Variants in PUDP observed in about 807,000 individuals in gnomAD.
The protein encoded by PUDP is pseudouridine 5'-phosphatase, also known as pseudouridine-5'-phosphatase.
PUDP carries 8 observed loss-of-function variants against 9.4 expected under a neutral mutation model. The ratio of observed to expected loss-of-function variants is 0.85; its 90% confidence interval spans 0.50 to 1.53. PUDP has a LOEUF of 1.53. Ranked by LOEUF, PUDP falls within the 40% of genes most tolerant of loss-of-function variation. The pLI is 0.00. For missense variants in PUDP, 188 were observed against 189.7 expected, an observed-to-expected ratio of 0.99 and a Z score of 0.05; for synonymous variants, 99 against 80.7, an observed-to-expected ratio of 1.23 and a Z score of -1.22.
At chrX:6,742,275 C>A (rs761889781) in intron 3 of PUDP, among the ~76,000 whole-genome samples, 17 of 112,435 alleles carry the variant, frequency 1.5e-4, no homozygotes, top group Admixed American at 1.2e-3. Flanking sequence ...TTGATTTAGG[C>A]CAAGGTCCCC....
At chrX:7,142,797 A>G (rs1932809099) in intron 1 of PUDP, among the ~76,000 whole-genome samples, 1 of 108,879 alleles carries the variant, frequency 9.2e-6, no homozygotes, top group Non-Finnish European at 1.9e-5. Context: ...TGTGTGCACC[A>G]TCATGCCTGG....
chrX:7,068,738 T>G (rs980604269), intron 3 of PUDP, among the ~76,000 whole-genome samples: 12 of 110,906 alleles, frequency 1.1e-4, no homozygotes, highest in Non-Finnish European at 1.9e-4. Flanking sequence ...TGTGGGAAAA[T>G]GGAGTGTTGG....
intron 3 of PUDP, among the ~76,000 whole-genome samples, chrX:6,767,189 T>C (rs1467507687): frequency 8.8e-6 from 1 of 113,335 alleles, no homozygotes; most frequent in Non-Finnish European, 1.9e-5. Flanking sequence ...AGTGGAATTA[T>C]TTAGCGTAGC....
intron 3 of PUDP, among the ~76,000 whole-genome samples, chrX:7,052,605 A>G (rs1374364827): frequency 9.0e-6 from 1 of 111,202 alleles, no homozygotes; most frequent in East Asian, 2.8e-4. Context: ...CTTTCCTTCA[A>G]TCTGGGGCTA....
chrX:6,923,080 C>T (rs756923315), intron 3 of PUDP, among the ~76,000 whole-genome samples: 214 of 111,930 alleles, frequency 1.9e-3, no homozygotes, highest in Middle Eastern at 4.6e-3. Context: ...ATTTCTCACT[C>T]CTCACCTAAC....
chrX:7,022,705 T>C (rs972067797), intron 1 of PUDP, among the ~76,000 whole-genome samples: 12 of 112,003 alleles, frequency 1.1e-4, no homozygotes, highest in African/African-American at 3.9e-4. Flanking sequence ...AATGAGGGTA[T>C]TTAGAGCATG....
chrX:6,792,105 C>A (rs923616862), intron 3 of PUDP, among the ~76,000 whole-genome samples: 3 of 110,749 alleles, frequency 2.7e-5, no homozygotes, highest in Admixed American at 9.7e-5. Flanking sequence ...GTGAAGTCAG[C>A]AAATTCAGAG....
upstream of PUDP, among the ~76,000 whole-genome samples, chrX:6,725,893 A>G (rs755864944): frequency 2.7e-5 from 3 of 111,879 alleles, no homozygotes; most frequent in Non-Finnish European, 5.6e-5. Context: ...CGACCATTCG[A>G]TCCAACAATC....
chrX:7,037,897 C>A (rs1370883283), intron 1 of PUDP, among the ~76,000 whole-genome samples: 2 of 111,102 alleles, frequency 1.8e-5, no homozygotes, highest in Non-Finnish European at 3.8e-5. Flanking sequence ...GAAAATTTTA[C>A]CAGTATAATG....
chrX:7,009,413 A>T (rs1164066591), intron 1 of PUDP, among the ~76,000 whole-genome samples: 1 of 112,290 alleles, frequency 8.9e-6, no homozygotes, highest in Non-Finnish European at 1.9e-5. Flanking sequence ...TGAAGAAAAC[A>T]TGCATCATCT....
chrX:7,027,736 CT>C, intron 1 of PUDP, among the ~76,000 whole-genome samples: 1 of 91,665 alleles, frequency 1.1e-5, no homozygotes, highest in Non-Finnish European at 2.1e-5. Flanking sequence ...ACATTATAGT[CT>C]ATATATAGAC....
At chrX:7,076,097 A>G (rs1380298213) in intron 3 of PUDP, among the ~76,000 whole-genome samples, 3 of 111,796 alleles carry the variant, frequency 2.7e-5, no homozygotes, top group East Asian at 2.8e-4. Context: ...GGCTGCCTCT[A>G]TAGGCTCAAG....
chrX:6,892,203 A>T (rs923759098), intron 3 of PUDP, among the ~76,000 whole-genome samples: 2 of 112,142 alleles, frequency 1.8e-5, no homozygotes, highest in African/African-American at 6.5e-5. Context: ...TTCATATAAA[A>T]ACTCAAATTA....
chrX:6,766,562 CTAAGGAAG>C (rs1036873297), intron 3 of PUDP, among the ~76,000 whole-genome samples: 1 of 111,636 alleles, frequency 9.0e-6, no homozygotes, highest in Non-Finnish European at 1.9e-5. Context: ...AGAGAAATTA[CTAAGGAAG>C]GTTACGCAAA....
intron 1 of PUDP, among the ~76,000 whole-genome samples, chrX:7,013,757 C>T (rs1315092093): frequency 9.0e-6 from 1 of 111,571 alleles, no homozygotes; most frequent in East Asian, 2.8e-4. Flanking sequence ...GGGCTCCAGC[C>T]CCGCAGTAGT....
intron 3 of PUDP, among the ~76,000 whole-genome samples, chrX:6,833,698 C>G (rs147447374): frequency 0.026 from 2,942 of 112,162 alleles, 44 homozygotes; most frequent in Middle Eastern, 0.08. Flanking sequence ...TGAACTCACT[C>G]ATCAAAAAGA....
intron 1 of PUDP, among the ~76,000 whole-genome samples, chrX:6,706,883 C>A (rs149059183): frequency 3.4e-4 from 38 of 111,320 alleles, no homozygotes; most frequent in African/African-American, 1.2e-3. Context: ...CCATTTACAG[C>A]CCCTAAAAAG....
Position 7,077,420 on chromosome X carries a change from T to C in PUDP, c.310A>G (p.Lys104Glu). The change falls in exon 3 of 4, where the codon AAA becomes GAA. Residue 104 changes from lysine (K) to glutamate (E), a missense_variant. By Grantham distance (56) the Lys-to-Glu change is moderately conservative (BLOSUM62 1). Coordinates refer to ENST00000381077, the MANE Select transcript of PUDP (RefSeq NM_012080.5). Reference protein sequence around the residue: ...GAEKLIIHLRKHGIPFALATS... With the variant: ...GAEKLIIHLREHGIPFALATS... ...GCCAGTGCAAAGGGGATGCCATGTT[T>C]CCGCAGGTGGATGATGAGTTTCTCC... 1.7e-6 allele frequency: 2 copies of C among 1,210,888 alleles called. No individual in the cohort carries two copies. Among genetic ancestry groups the C allele is most frequent in the Non-Finnish European group, 2.2e-6 (2 of 894,949 alleles).
chrX:7,065,321 T>G (rs1930519606), intron 3 of PUDP, among the ~76,000 whole-genome samples: 1 of 112,357 alleles, frequency 8.9e-6, no homozygotes, highest in Admixed American at 9.4e-5. Flanking sequence ...CCAGTTTTTC[T>G]CACTGTTCTT....
Sources: allele counts gnomAD v4.1 joint callset (sites outside exome capture counted in the v4.1 genomes callset), GRCh38; gene constraint gnomAD v4.1.1; transcripts MANE v1.5; gene names NCBI Gene and HGNC (gene_info 2026-07-23, HGNC 2026-07-21).